AACS: variants seen among roughly 807,000 people sequenced by gnomAD.
AACS encodes the protein acetoacetate-CoA ligase.
A neutral mutation model predicts 83.1 loss-of-function variants in AACS; 69 were observed. That is an observed-to-expected ratio of 0.83 (90% confidence interval 0.68 to 1.01). The LOEUF is 1.01. Ranked by LOEUF, AACS falls within the 50% of genes least tolerant of loss-of-function variation. AACS has a pLI of 0.00. For synonymous variants in AACS, 333 were observed against 343.4 expected, an observed-to-expected ratio of 0.97 and a Z score of 0.33; for missense variants, 866 against 882.2, an observed-to-expected ratio of 0.98 and a Z score of 0.23.
intron 8 of AACS, among the ~76,000 whole-genome samples, chr12:125,110,225 GTGTGTGTGTGTGTGTGTGTGTGTGTT>G (rs1190132798): frequency 9.2e-6 from 1 of 109,166 alleles, no homozygotes; most frequent in Admixed American, 9.4e-5. Context: ...GTGTGTGTGT[GTGTGTGTGTGTGTGTGTGTGTGTGTT>G]TAGTAGAGAC....
chr12:125,104,163 CGTTTACCCCCACGGG>C (rs1956784005), intron 7 of AACS, among the ~76,000 whole-genome samples: 3 of 152,144 alleles, frequency 2.0e-5, no homozygotes, highest in Non-Finnish European at 4.4e-5. Context: ...TGAGCTCAGG[CGTTTACCCCCACGGG>C]GTAAGCTTTC....
At chr12:125,118,809 C>T (rs1305136173) in intron 10 of AACS, 44 bp downstream of exon 10, 30 of 1,606,578 alleles carry the variant, frequency 1.9e-5, no homozygotes, top group Non-Finnish European at 2.6e-5. Flanking sequence ...ACAGGCAGCA[C>T]CAGGAAGGCT....
At chr12:125,078,743 C>A (rs1203991915) in intron 3 of AACS, among the ~76,000 whole-genome samples, 1 of 149,138 alleles carries the variant, frequency 6.7e-6, no homozygotes, top group Non-Finnish European at 1.5e-5. Context: ...ATCGCTTGAA[C>A]CCGGGAGGTG....
intron 4 of AACS, 188 bp from the exon 5 acceptor site, chr12:125,091,238 G>C: frequency 1.6e-6 from 1 of 620,762 alleles, no homozygotes; most frequent in East Asian, 2.8e-5. Flanking sequence ...GATTGCAGGG[G>C]GATGGTGGGG....
intron 5 of AACS, chr12:125,102,472 AT>A (rs994399788): frequency 0.018 from 7,875 of 432,122 alleles, no homozygotes; most frequent in South Asian, 0.028. Context: ...GGTTTTTGCC[AT>A]TTTTTTTTTT....
At chr12:125,120,414 T>C (rs967904444) in intron 10 of AACS, 1 of 152,218 alleles carries the variant, frequency 6.6e-6, no homozygotes. Flanking sequence ...TTTTAAATCC[T>C]TGGCCATTAA....
At chr12:125,082,766 A>C (rs144118548) in intron 3 of AACS, among the ~76,000 whole-genome samples, 170 of 152,248 alleles carry the variant, frequency 1.1e-3, no homozygotes, top group African/African-American at 3.8e-3. Flanking sequence ...GGTTGCAGTG[A>C]GCTGAAATGG....
intron 9 of AACS, chr12:125,118,075 G>A (rs1174109407): frequency 6.5e-6 from 1 of 152,802 alleles, no homozygotes; most frequent in Non-Finnish European, 1.5e-5. Context: ...GTGGGGAGTA[G>A]GTGTGGGTGG....
At chr12:125,124,225 T>G in intron 10 of AACS, 1 of 155,050 alleles carries the variant, frequency 6.4e-6, no homozygotes, top group Non-Finnish European at 1.4e-5. Context: ...GGCCCAGGAG[T>G]TGGAGACTGC....
chr12:125,103,801 A>G (rs1345834534), intron 7 of AACS, among the ~76,000 whole-genome samples: 9 of 151,910 alleles, frequency 5.9e-5, no homozygotes, highest in Admixed American at 5.9e-4. Context: ...ATCCTGGCTA[A>G]CACGGTGAAA....
At chr12:125,086,279 CTT>C in intron 3 of AACS, 49 bp from the exon 4 acceptor site, 1 of 1,539,928 alleles carries the variant, frequency 6.5e-7, no homozygotes, top group Non-Finnish European at 8.9e-7. Flanking sequence ...TGGCTTGCAA[CTT>C]TTCTTTTTGC....
chr12:125,065,460 T>C lies in AACS; in HGVS notation c.-125T>C, dbSNP rs1594555742. 9.2e-7 allele frequency: 1 copy of C among 1,091,140 alleles called. No homozygotes were observed. 67.6% of individuals were successfully genotyped at this position (1,091,140 alleles called of 1,614,324 possible). A position where few individuals can be genotyped will look rare whatever the true frequency, so the allele number is the denominator to read the frequency against. On this transcript the variant is annotated 5_prime_UTR_variant, in exon 1 of 18. Transcript: ENST00000316519. ...AGTCCCTTGTTCCCCGCCGCCGCCG[T>C]CGCTGACCCAGCCCGCCAGGCGCTC... is the stretch of plus-strand genomic sequence containing the variant.
chr12:125,128,305 G>A (rs1178313835), intron 13 of AACS, 31 bp downstream of exon 13: 1 of 1,587,432 alleles, frequency 6.3e-7, no homozygotes, highest in South Asian at 1.1e-5. Flanking sequence ...TTCTTTCTGT[G>A]ATTAGGCGTG....
At position 125,131,245 on chromosome 12, in the gene AACS, G is replaced by A. The variant is rs376890852; in HGVS notation, c.1549+1785G>A. ...TTTTTATTTTAGAGACAAGGTCTCC[G>A]TCTGGCCCCAGGCTGGAGTGCAGTG... On this transcript the variant is annotated intron_variant, in intron 14 of 17. Transcript: ENST00000316519. Among the ~76,000 whole-genome samples, 9 of 152,260 alleles carry A rather than the reference G, an allele frequency of 5.9e-5. No homozygotes were observed. The East Asian group carries it at 9.6e-4, about 16-fold the overall frequency.
intron 5 of AACS, chr12:125,101,437 G>T (rs1180312728): frequency 6.6e-6 from 1 of 152,230 alleles, no homozygotes; most frequent in Non-Finnish European, 1.5e-5. Flanking sequence ...GTATGCACGT[G>T]TAGGCTTATG....
chr12:125,113,808 C>T lies in AACS; in HGVS notation c.916-669C>T, dbSNP rs772550916. ...CTGGGTACAGGACAGGGAGAGAGGA[C>T]GGCTTTTCATAGTATCTGCTTCAGA... On this transcript the variant is annotated intron_variant, in intron 8 of 17. Transcript: ENST00000316519. The surrounding 1 kb of genome is among the most constrained non-coding windows in gnomAD (Gnocchi z 4.8). 4.6e-5 allele frequency among the ~76,000 whole-genome samples: 7 copies of T among 152,138 alleles called. No homozygotes were observed. Among genetic ancestry groups the T allele is most frequent in the Non-Finnish European group, 8.8e-5 (6 of 68,024 alleles).
intron 8 of AACS, among the ~76,000 whole-genome samples, chr12:125,109,586 G>A (rs1374760515): frequency 4.6e-5 from 7 of 152,194 alleles, no homozygotes; most frequent in South Asian, 2.1e-4. Context: ...GAACAGGAGC[G>A]TTCTCTTACA....
intron 4 of AACS, among the ~76,000 whole-genome samples, chr12:125,087,101 C>T (rs1372441250): frequency 3.3e-5 from 5 of 152,108 alleles, no homozygotes; most frequent in Non-Finnish European, 7.3e-5. Context: ...CCAAAGGCCT[C>T]GTCCACTTTC....
intron 9 of AACS, among the ~76,000 whole-genome samples, chr12:125,115,280 C>T (rs1449115212): frequency 3.2e-5 from 4 of 126,440 alleles, no homozygotes; most frequent in East Asian, 2.2e-4. Flanking sequence ...TTTTTTTTTG[C>T]GATGAAGTCT....
Sources: allele counts gnomAD v4.1 joint callset (sites outside exome capture counted in the v4.1 genomes callset), GRCh38; gene constraint gnomAD v4.1.1; non-coding constraint Gnocchi (gnomAD v3.1); transcripts MANE v1.5; gene names NCBI Gene and HGNC (gene_info 2026-07-23, HGNC 2026-07-21).